SIGLEC12: variants seen among roughly 807,000 people sequenced by gnomAD.
The protein encoded by SIGLEC12 is sialic acid-binding Ig-like lectin 12.
A neutral mutation model predicts 54.1 loss-of-function variants in SIGLEC12; 43 were observed. The observed-to-expected ratio is 0.80, with a 90% CI of 0.62 to 1.03. The LOEUF is 1.03. Among genes scored for constraint, SIGLEC12 ranks in the 50% least tolerant of loss-of-function variants. The pLI, the probability that SIGLEC12 is intolerant of heterozygous loss-of-function variation, is 0.00. For missense variants in SIGLEC12, 802 were observed against 735.2 expected (o/e 1.09, Z -1.05); for synonymous variants, 357 against 307.6 (o/e 1.16, Z -1.68).
At chr19:51,492,444 T>C (rs941286157) in intron 7 of SIGLEC12, among the ~76,000 whole-genome samples, 2 of 152,150 alleles carry the variant, frequency 1.3e-5, no homozygotes, top group Admixed American at 1.3e-4. Context: ...GACAAGTCAA[T>C]AAAATAAATT....
chr19:51,496,856 G>A (rs1367472350), intron 7 of SIGLEC12, 24 bp downstream of exon 7: 1 of 1,608,202 alleles, frequency 6.2e-7, no homozygotes, highest in Non-Finnish European at 8.5e-7. Context: ...AGGGGAGAAG[G>A]GCTGTGATTC....
chr19:51,495,319 GGAT>G lies in SIGLEC12; in HGVS notation c.1599+1558_1599+1560del, dbSNP rs1196569155. Among the ~76,000 whole-genome samples, 158 of 93,650 alleles carry G rather than the reference GGAT, an allele frequency of 1.7e-3. 7 individuals carry two copies. Among genetic ancestry groups the G allele is most frequent in the African/African-American group, 5.8e-3 (154 of 26,658 alleles). 61.4% of individuals were successfully genotyped at this position (93,650 alleles called of 152,430 possible). Reference sequence around the variant, plus strand: ...TGGACGGACGGACGGGTGGGTGGATGGATGGATGGATGGATGGATGGATGGATG... The same window carrying G: ...TGGACGGACGGACGGGTGGGTGGATGGGATGGATGGATGGATGGATGGATG... On this transcript the variant is annotated intron_variant, in intron 7 of 7. Coordinates refer to ENST00000291707, the MANE Select transcript of SIGLEC12 (RefSeq NM_053003.4).
rs770047440 is a variant in SIGLEC12, at chr19:51,491,679, T to G, written c.1750A>C (p.Ile584Leu). ...TTGATCTCGGAGTACTCATAGCCGA[T>G]GGCCTCCTGTTCCTGTGGGTACTGA... ...RPQYPQEQEA[I>L]GYEYSEINIP... Residue 584 changes from isoleucine (I) to leucine (L), a missense_variant, in exon 8 of 8, where the codon ATC becomes CTC. Coordinates refer to ENST00000291707, the MANE Select transcript of SIGLEC12 (RefSeq NM_053003.4). 9.3e-6 allele frequency: 15 copies of G among 1,613,910 alleles called. No homozygotes were observed. The highest frequency in any genetic ancestry group is 8.5e-6 in the Non-Finnish European group (10 of 1,180,002).
chr19:51,493,091 T>TCA (rs1218341766), intron 7 of SIGLEC12, among the ~76,000 whole-genome samples: 1 of 152,148 alleles, frequency 6.6e-6, no homozygotes, highest in Non-Finnish European at 1.5e-5. Flanking sequence ...AAATTAACAT[T>TCA]CACACACACA....
intron 4 of SIGLEC12, 137 bp from the exon 5 acceptor site, chr19:51,498,424 C>A (rs1990302107): frequency 1.4e-6 from 1 of 702,654 alleles, no homozygotes. Context: ...TCACTGCTCA[C>A]TGTTGGGGAT....
rs1347473248 is a variant in SIGLEC12 at position 51,500,055 on chromosome 19, C to T, written c.673G>A (p.Asp225Asn). 8.7e-6 allele frequency: 14 copies of T among 1,614,114 alleles called. No individual in the cohort carries two copies. Among genetic ancestry groups the T allele is most frequent in the Non-Finnish European group, 1.2e-5 (14 of 1,179,988 alleles). ...AGGGAGCAGTTGTTGGTCTGTGGGT[C>T]CCCAAGGAGGAGGAATCGACCGTGG... ...DTHGRFLLLG[D>N]PQTNNCSLSI... is the part of the protein sequence containing the mutation. The change falls in exon 2 of 8, where the codon GAC becomes AAC. Residue 225 changes from aspartate (D) to asparagine (N), a missense_variant. By Grantham distance (23) the Asp-to-Asn change is conservative (BLOSUM62 1). Transcript: ENST00000291707.
rs1178665953 is a variant in SIGLEC12, at chr19:51,496,921, C to T, written c.1558G>A (p.Gly520Ser). 3 of 1,613,886 alleles carry T rather than the reference C, an allele frequency of 1.9e-6. No homozygotes were observed. The Admixed American group carries it at 5.0e-5, about 27-fold the overall frequency. The change falls in exon 7 of 8, where the codon GGC becomes AGC. Residue 520 changes from glycine (G) to serine (S), a missense_variant. By Grantham distance (56) the Gly-to-Ser change is moderately conservative. Coordinates refer to ENST00000291707, the MANE Select transcript of SIGLEC12 (RefSeq NM_053003.4). ...CTGACAGCGTTTGCGTCCTCCATGC[C>T]TGTATCCCCCACGCCCACTGCTGGC... The part of the protein sequence containing the change: ...ARPAVGVGDT[G>S]MEDANAVRGS...
chr19:51,497,537 C>A, intron 5 of SIGLEC12, 92 bp from the exon 6 acceptor site: 2 of 855,088 alleles, frequency 2.3e-6, no homozygotes, highest in East Asian at 2.6e-5. Flanking sequence ...ACTTGGGTAC[C>A]CCAGTCCCGC....
In SIGLEC12 at chr19:51,491,687, T is replaced by C; in HGVS notation, c.1742A>G (p.Gln581Arg). ...GGAGTACTCATAGCCGATGGCCTCC[T>C]GTTCCTGTGGGTACTGAGGCCTCGC... is the stretch of plus-strand genomic sequence containing the variant. ...HKARPQYPQE[Q>R]EAIGYEYSEI... is the part of the protein sequence containing the mutation. Residue 581 changes from glutamine to arginine, a missense_variant, in exon 8 of 8, where the codon CAG (glutamine) becomes CGG (arginine). Gln to Arg is a conservative substitution (Grantham distance 43). Coordinates refer to ENST00000291707, the MANE Select transcript of SIGLEC12 (RefSeq NM_053003.4). 2 of 1,614,104 alleles carry C rather than the reference T, an allele frequency of 1.2e-6. No homozygotes were observed. Among genetic ancestry groups the C allele is most frequent in the Non-Finnish European group, 1.7e-6 (2 of 1,179,990 alleles).
chr19:51,499,063 G>C (rs4801871), intron 4 of SIGLEC12, 107 bp downstream of exon 4: 983,110 of 1,170,924 alleles, frequency 0.84, 415,997 homozygotes, highest in African/African-American at 0.94. Context: ...GGAGGGGGGG[G>C]CCGGGGCTCA....
intron 6 of SIGLEC12, among the ~76,000 whole-genome samples, 177 bp downstream of exon 6, chr19:51,497,172 A>G (rs1990264378): frequency 6.6e-6 from 1 of 152,170 alleles, no homozygotes; most frequent in Non-Finnish European, 1.5e-5. Flanking sequence ...GGTTTGCCAC[A>G]GACATGGAGC....
chr19:51,495,909 G>A (rs944052545), intron 7 of SIGLEC12, among the ~76,000 whole-genome samples: 1 of 152,190 alleles, frequency 6.6e-6, no homozygotes, highest in Non-Finnish European at 1.5e-5. Context: ...TAGGAATCAG[G>A]GAGTGGGGAG....
chr19:51,500,607 TC>T (rs1990369681), intron 1 of SIGLEC12, among the ~76,000 whole-genome samples: 1 of 152,076 alleles, frequency 6.6e-6, no homozygotes, highest in African/African-American at 2.4e-5. Flanking sequence ...AGAGACCGTG[TC>T]CCGCCTCCTA....
intron 4 of SIGLEC12, 40 bp downstream of exon 4, chr19:51,499,130 G>C: frequency 6.2e-7 from 1 of 1,609,178 alleles, no homozygotes; most frequent in African/African-American, 1.3e-5. Context: ...TGAGTTGAAG[G>C]CTCTGCTCCT....
rs1165746599 is a variant in SIGLEC12, at chr19:51,500,033, G to A, written c.695C>T (p.Ser232Phe). 6.2e-7 allele frequency: 1 copy of A among 1,614,162 alleles called. No individual in the cohort carries two copies. Among genetic ancestry groups the A allele is most frequent in the East Asian group, 2.2e-5 (1 of 44,876 alleles). The change falls in exon 2 of 8, where the codon TCC (serine) becomes TTC (phenylalanine). Residue 232 changes from serine (S) to phenylalanine (F), a missense_variant. Physicochemically the swap from Ser to Phe is radical, Grantham distance 155. Transcript: ENST00000291707. ...CTTCCTGGCATCTCTGATGCTCAGG[G>A]AGCAGTTGTTGGTCTGTGGGTCCCC... ...LLGDPQTNNC[S>F]LSIRDARKGD...
intron 3 of SIGLEC12, 101 bp downstream of exon 3, chr19:51,499,337 A>C (rs1990326686): frequency 2.7e-5 from 42 of 1,564,058 alleles, no homozygotes; most frequent in Non-Finnish European, 3.3e-5. Flanking sequence ...CCCAACTCCC[A>C]GCCAAGATTC....
chr19:51,496,168 A>C (rs1990235522), intron 7 of SIGLEC12, among the ~76,000 whole-genome samples: 1 of 152,234 alleles, frequency 6.6e-6, no homozygotes, highest in Non-Finnish European at 1.5e-5. Context: ...ATCAAAATTA[A>C]TATAAAAAGT....
At position 51,499,811 on chromosome 19, in the gene SIGLEC12, C is replaced by A. The variant is rs1275344226; in HGVS notation, c.809-95G>T. On this transcript the variant is annotated intron_variant, in intron 2 of 7. Coordinates refer to ENST00000291707, the MANE Select transcript of SIGLEC12 (RefSeq NM_053003.4). ...GCTCTGGTCTTACTCCTCCCCTGAG[C>A]CAGATATGCTTCACCTCCAACTCCC... 5.1e-6 allele frequency: 8 copies of A among 1,554,438 alleles called. No homozygotes were observed. In the African/African-American group the frequency reaches 5.5e-5, roughly 11 times the overall value.
Position 51,501,300 on chromosome 19 carries a change from G to A in SIGLEC12, c.427+7C>T. ...GCCTTTGGCCTCTCTTGGAGCCCGT[G>A]CCTTACCTGTCACATTCACAGAGAG... is the stretch of plus-strand genomic sequence containing the variant. On this transcript the variant is annotated splice_region_variant and intron_variant, in intron 1 of 7. Transcript: ENST00000291707. 8 of 1,613,724 alleles carry A rather than the reference G, an allele frequency of 5.0e-6. No individual in the cohort carries two copies. Among genetic ancestry groups the A allele is most frequent in the Non-Finnish European group, 5.9e-6 (7 of 1,179,684 alleles).
Sources: allele counts gnomAD v4.1 joint callset (sites outside exome capture counted in the v4.1 genomes callset), GRCh38; gene constraint gnomAD v4.1.1; transcripts MANE v1.5; gene names NCBI Gene and HGNC (gene_info 2026-07-23, HGNC 2026-07-21).